Variants in EP400 observed in about 807,000 individuals in gnomAD.
The protein encoded by EP400 is E1A-binding protein p400.
A neutral mutation model predicts 354.1 loss-of-function variants in EP400; 105 were observed. The observed-to-expected ratio is 0.30, with a 90% CI of 0.25 to 0.35. The LOEUF (loss-of-function observed/expected upper bound fraction) is 0.35. EP400 is among the 10% of genes least tolerant of loss of function. EP400 has a pLI of 1.00. For missense variants in EP400, 3,280 were observed against 4,121.0 expected (o/e 0.80, Z 5.59); for synonymous variants, 1,646 against 1,716.9 (o/e 0.96, Z 1.02).
intron 11 of EP400, among the ~76,000 whole-genome samples, chr12:131,993,448 T>C (rs1022472637): frequency 1.3e-5 from 2 of 152,234 alleles, no homozygotes; most frequent in African/African-American, 4.8e-5. Context: ...CTGGAAAGGA[T>C]TAGGTCATTT....
At chr12:132,007,331 G>A (rs1893617592) in intron 15 of EP400, among the ~76,000 whole-genome samples, 1 of 152,246 alleles carries the variant, frequency 6.6e-6, no homozygotes, top group African/African-American at 2.4e-5. Flanking sequence ...GATTTCACCT[G>A]TCAATGGGGC....
At position 132,044,939 on chromosome 12, in the gene EP400, A is replaced by G; in HGVS notation, c.6770A>G (p.Lys2257Arg). 2 of 1,614,082 alleles carry G rather than the reference A, an allele frequency of 1.2e-6. No homozygotes were observed. Among genetic ancestry groups the G allele is most frequent in the South Asian group, 1.1e-5 (1 of 91,082 alleles). Residue 2257 changes from lysine to arginine, a missense_variant, in exon 37 of 53, where the codon AAA becomes AGA. Physicochemically the swap from Lys to Arg is conservative, Grantham distance 26. Transcript: ENST00000389561. Reference sequence around the variant, plus strand: ...GTGAGGAAGGAGCGGAAGCGACACAAAACAGACCCCTCAGGTGCGCATCCC... The same window carrying G: ...GTGAGGAAGGAGCGGAAGCGACACAGAACAGACCCCTCAGGTGCGCATCCC... ...VYVRKERKRH[K>R]TDPSAAGRKK...
chr12:132,036,031 T>C (rs1187602074), intron 30 of EP400, among the ~76,000 whole-genome samples: 1 of 149,478 alleles, frequency 6.7e-6, no homozygotes, highest in Admixed American at 6.6e-5. Flanking sequence ...TGGAACGCTG[T>C]GGAAGCACAC....
chr12:131,966,903 C>CAAAAA lies in EP400; in HGVS notation c.1335+4967_1335+4971dup, dbSNP rs1179689543. Among the ~76,000 whole-genome samples, 99 of 57,758 alleles carry CAAAAA rather than the reference C, an allele frequency of 1.7e-3. 1 individual carries two copies. The highest frequency in any genetic ancestry group is 3.1e-3 in the African/African-American group (42 of 13,680). 37.9% of individuals were successfully genotyped at this position (57,758 alleles called of 152,430 possible). A position where few individuals can be genotyped will look rare whatever the true frequency, so the allele number is the denominator to read the frequency against. Reference sequence around the variant, plus strand: ...TGGGTGACAAGAGTGAGACTTGTCTCAAAAAAAAAAAAAAAAAAAAAACCT... The same window carrying CAAAAA: ...TGGGTGACAAGAGTGAGACTTGTCTCAAAAAAAAAAAAAAAAAAAAAAAAAAACCT... On this transcript the variant is annotated intron_variant, in intron 2 of 52. Coordinates refer to ENST00000389561, the MANE Select transcript of EP400 (RefSeq NM_015409.5).
chr12:132,050,526 A>T lies in EP400; in HGVS notation c.7337+67A>T. 1 of 1,612,862 alleles carries T rather than the reference A, an allele frequency of 6.2e-7. No individual in the cohort carries two copies. Among genetic ancestry groups the T allele is most frequent in the Non-Finnish European group, 8.5e-7 (1 of 1,178,982 alleles). On this transcript the variant is annotated intron_variant, in intron 40 of 52. Transcript: ENST00000389561. The surrounding 1 kb of genome is among the most constrained non-coding windows in gnomAD (Gnocchi z 4.8). ...GTAGATTGCGTGAAGCTTGGTTTTG[A>T]TGTGTTTTTAACATACCCTTCTTCA...
intron 2 of EP400, among the ~76,000 whole-genome samples, chr12:131,975,755 C>T (rs1001876039): frequency 1.3e-5 from 2 of 151,988 alleles, no homozygotes; most frequent in Non-Finnish European, 2.9e-5. Flanking sequence ...GATGAATTTT[C>T]GCCACGTTGG....
chr12:131,991,148 C>T (rs1446660254), intron 9 of EP400, among the ~76,000 whole-genome samples: 1 of 152,190 alleles, frequency 6.6e-6, no homozygotes, highest in Non-Finnish European at 1.5e-5. Context: ...CCTCTGAGGA[C>T]ACCCCCAGGA....
chr12:132,053,188 A>T lies in EP400; in HGVS notation c.7437A>T (p.Ala2479=). ...AGCCGCTGCCTCCCATCCAGGTGGC[A>T]TCTCTCCGTGCAGAGCGAATCGCAA... ...YDKPLPPIQV[A]SLRAERIAKE... Residue 2479 remains alanine, a synonymous_variant, in exon 42 of 53, where the codon GCA becomes GCT. Transcript: ENST00000389561. The T allele has an allele frequency of 6.2e-7, 1 of 1,614,036 alleles. No homozygotes were observed. The highest frequency in any genetic ancestry group is 1.1e-5 in the South Asian group (1 of 91,078).
intron 29 of EP400, among the ~76,000 whole-genome samples, chr12:132,030,411 C>T (rs886381422): frequency 1.3e-5 from 2 of 152,154 alleles, no homozygotes; most frequent in African/African-American, 2.4e-5. Flanking sequence ...ACGATACTGG[C>T]GTACTTCAAG....
chr12:131,995,815 A>G (rs1344093616), intron 12 of EP400, among the ~76,000 whole-genome samples: 1 of 148,366 alleles, frequency 6.7e-6, no homozygotes, highest in Non-Finnish European at 1.5e-5. Flanking sequence ...AACGAATCCC[A>G]CCGCAGCTTG....
intron 2 of EP400, among the ~76,000 whole-genome samples, chr12:131,973,724 C>T (rs909286348): frequency 1.3e-5 from 2 of 152,150 alleles, no homozygotes; most frequent in African/African-American, 4.8e-5. Flanking sequence ...TAATCTATGC[C>T]AGTTAAACTC....
rs146717913 is a variant in EP400 at position 131,986,785 on chromosome 12, C to T, written c.2201C>T (p.Thr734Met). ...TCGTCCCAAGACAGTTCTCAGGATACGCTGACAGAACAAATAACTCTGGTA... is the reference window on the plus strand; with the variant it reads ...TCGTCCCAAGACAGTTCTCAGGATATGCTGACAGAACAAATAACTCTGGTA... ...ATSSQDSSQD[T>M]LTEQITLENQ... The change falls in exon 6 of 53, where the codon ACG (threonine) becomes ATG (methionine). Residue 734 changes from threonine (T) to methionine (M), a missense_variant. This residue lies in a region of EP400 where 800 missense variants were observed against 840.0 expected (regional missense o/e 0.95). Coordinates refer to ENST00000389561, the MANE Select transcript of EP400 (RefSeq NM_015409.5). 54 of 1,610,448 alleles carry T rather than the reference C, an allele frequency of 3.4e-5. No homozygotes were observed. The Admixed American group carries it at 3.9e-4, about 12-fold the overall frequency.
At position 132,003,568 on chromosome 12, in the gene EP400, A is replaced by G. The variant is rs138728167; in HGVS notation, c.2828-1509A>G. Among the ~76,000 whole-genome samples, 65 of 151,994 alleles carry G rather than the reference A, an allele frequency of 4.3e-4. 1 individual carries two copies. Among genetic ancestry groups the G allele is most frequent in the African/African-American group, 1.4e-3 (59 of 41,454 alleles). ...CATATGTGGAGGCTGATTTCTGTGT[A>G]TTGTTTGTTCTGAGACACCTTACAG... On this transcript the variant is annotated intron_variant, in intron 12 of 52. Transcript: ENST00000389561.
At chr12:131,988,440 T>C (rs1356464246) in intron 7 of EP400, among the ~76,000 whole-genome samples, 1 of 152,184 alleles carries the variant, frequency 6.6e-6, no homozygotes, top group Non-Finnish European at 1.5e-5. Flanking sequence ...TTCAGGGAGC[T>C]GAGAGGCTAA....
rs759813309 is a variant in EP400, at chr12:132,006,120, G to A, written c.2944G>A (p.Asp982Asn). Residue 982 changes from aspartate (D) to asparagine (N), a missense_variant, in exon 14 of 53, where the codon GAC (aspartate) becomes AAC (asparagine). Asp to Asn is a conservative substitution (Grantham distance 23). This residue lies in a region of EP400 where 800 missense variants were observed against 840.0 expected (regional missense o/e 0.95). Coordinates refer to ENST00000389561, the MANE Select transcript of EP400 (RefSeq NM_015409.5). ...EDTSGEEDAD[D>N]CPGDRESRKD... ...TTTTATTGTCGTTACAGATGCAGAT[G>A]ACTGTCCAGGCGACAGGGAGAGTCG... The A allele has an allele frequency of 2.5e-6, 4 of 1,613,568 alleles. No homozygotes were observed. The South Asian group carries it at 4.4e-5, about 18-fold the overall frequency.
chr12:132,055,643 GTGTGTGTGAGGTGTAGGGGTA>G (rs1280843128), intron 45 of EP400, among the ~76,000 whole-genome samples: 8 of 139,374 alleles, frequency 5.7e-5, no homozygotes, highest in African/African-American at 1.4e-4. Flanking sequence ...AGGTGTAGGG[GTGTGTGTGAGGTGTAGGGGTA>G]TGTGTGTGAG....
intron 2 of EP400, among the ~76,000 whole-genome samples, chr12:131,966,840 G>A (rs1462189082): frequency 7.0e-6 from 1 of 142,152 alleles, no homozygotes; most frequent in Non-Finnish European, 1.5e-5. Flanking sequence ...GGAGGTGGAG[G>A]TTACAGTGAG....
At chr12:132,024,785 C>G (rs1593355099) in intron 24 of EP400, among the ~76,000 whole-genome samples, 2 of 151,362 alleles carry the variant, frequency 1.3e-5, no homozygotes, top group Admixed American at 6.6e-5. Flanking sequence ...TCGACAGCAG[C>G]CTCAGCGGCT....
At chr12:132,046,194 A>T (rs2136580091) in intron 39 of EP400, among the ~76,000 whole-genome samples, 1 of 152,330 alleles carries the variant, frequency 6.6e-6, no homozygotes, top group Admixed American at 6.5e-5. Context: ...CAACATTTGC[A>T]CTGCCGTTGT....
Sources: allele counts gnomAD v4.1 joint callset (sites outside exome capture counted in the v4.1 genomes callset), GRCh38; gene constraint gnomAD v4.1.1; regional missense constraint gnomAD v4.1.1; non-coding constraint Gnocchi (gnomAD v3.1); transcripts MANE v1.5; gene names NCBI Gene and HGNC (gene_info 2026-07-23, HGNC 2026-07-21).